Variants in TCFL5 observed in about 807,000 individuals in gnomAD.
The protein encoded by TCFL5 is transcription factor-like 5 protein.
A neutral mutation model predicts 44.3 loss-of-function variants in TCFL5; 9 were observed. The ratio of observed to expected loss-of-function variants is 0.20; its 90% CI spans 0.12 to 0.35. The LOEUF (loss-of-function observed/expected upper bound fraction) is 0.35, where lower values mean the gene tolerates loss of function less well. TCFL5 is among the 10% of genes least tolerant of loss of function. TCFL5 has a pLI of 1.00. For missense variants in TCFL5, 603 were observed against 613.4 expected (o/e 0.98, Z 0.18); for synonymous variants, 319 against 271.6 (o/e 1.17, Z -1.72).
At chr20:62,843,357 T>A (rs2063701058) in intron 5 of TCFL5, among the ~76,000 whole-genome samples, 1 of 152,104 alleles carries the variant, frequency 6.6e-6, no homozygotes, top group African/African-American at 2.4e-5. Flanking sequence ...GTTGTGTTTT[T>A]AAACAGGCCT....
intron 4 of TCFL5, among the ~76,000 whole-genome samples, chr20:62,854,896 G>A (rs2063864235): frequency 6.6e-6 from 1 of 152,142 alleles, no homozygotes; most frequent in Non-Finnish European, 1.5e-5. Flanking sequence ...TTTACTAGGT[G>A]CTTTTGGACT....
At chr20:62,853,245 C>T (rs1201706128) in intron 5 of TCFL5, among the ~76,000 whole-genome samples, 2 of 141,408 alleles carry the variant, frequency 1.4e-5, no homozygotes, top group Non-Finnish European at 2.9e-5. Context: ...GAAGTATATG[C>T]ACCCAGTCCA....
intron 2 of TCFL5, among the ~76,000 whole-genome samples, chr20:62,859,727 G>GT (rs918553945): frequency 0.047 from 6,460 of 136,402 alleles, 392 homozygotes; most frequent in African/African-American, 0.15. Context: ...TTGTTTTTTT[G>GT]TTTTTTTTTT....
At chr20:62,851,098 A>C (rs1156521825) in intron 5 of TCFL5, among the ~76,000 whole-genome samples, 1 of 152,270 alleles carries the variant, frequency 6.6e-6, no homozygotes, top group Non-Finnish European at 1.5e-5. Context: ...AAATCACTTA[A>C]AACTCTCATG....
At chr20:62,847,088 C>G (rs928340953) in intron 5 of TCFL5, among the ~76,000 whole-genome samples, 2 of 150,992 alleles carry the variant, frequency 1.3e-5, no homozygotes, top group Non-Finnish European at 2.9e-5. Flanking sequence ...GAGGCTGAGG[C>G]AGGAGAATTG....
Position 62,860,198 on chromosome 20 carries a change from A to G in TCFL5, c.758T>C (p.Leu253Ser). ...KNKTAATTTA[L>S]QFTYPLFTTN... ...AGTAAACAGTGGGTATGTAAATTGC[A>G]AAGCAGTAGTTGTAGCCGCAGTTTT... is the stretch of plus-strand genomic sequence containing the variant. Residue 253 changes from leucine (L) to serine (S), a missense_variant, in exon 2 of 6, where the codon TTG (leucine) becomes TCG (serine). By Grantham distance (145) the Leu-to-Ser change is moderately radical. This residue lies in a region of TCFL5 where 540 missense variants were observed against 478.7 expected (regional missense o/e 1.13). Transcript: ENST00000335351. 6.2e-7 allele frequency: 1 copy of G among 1,613,938 alleles called. No individual in the cohort carries two copies. The highest frequency in any genetic ancestry group is 2.2e-5 in the East Asian group (1 of 44,894).
At chr20:62,859,937 G>A (rs902453114) in intron 2 of TCFL5, among the ~76,000 whole-genome samples, 188 bp downstream of exon 2, 1 of 152,090 alleles carries the variant, frequency 6.6e-6, no homozygotes, top group South Asian at 2.1e-4. Flanking sequence ...TTGAACTCCT[G>A]AACTCAAATG....
In TCFL5 at chr20:62,841,950, C is replaced by G; in HGVS notation, c.*25G>C. ...GGTCACGAAGGAATGGCTGTTCACC[C>G]CCCGAGGATTCCTGTTCAGTCCGAT... is the stretch of plus-strand genomic sequence containing the variant. On this transcript the variant is annotated 3_prime_UTR_variant, in exon 6 of 6. Transcript: ENST00000335351. 1 of 1,612,910 alleles carries G rather than the reference C, an allele frequency of 6.2e-7. No individual in the cohort carries two copies.
At chr20:62,843,614 G>T (rs1392143786) in intron 5 of TCFL5, among the ~76,000 whole-genome samples, 1 of 152,164 alleles carries the variant, frequency 6.6e-6, no homozygotes, top group African/African-American at 2.4e-5. Flanking sequence ...TTAAAATATA[G>T]CATAAAATTT....
At chr20:62,848,516 G>A (rs1307875856) in intron 5 of TCFL5, among the ~76,000 whole-genome samples, 1 of 152,190 alleles carries the variant, frequency 6.6e-6, no homozygotes, top group African/African-American at 2.4e-5. Context: ...CGAGGCGGGA[G>A]GATCACCTGA....
At chr20:62,855,703 T>C (rs985975730) in intron 4 of TCFL5, among the ~76,000 whole-genome samples, 3 of 151,548 alleles carry the variant, frequency 2.0e-5, no homozygotes, top group Admixed American at 1.3e-4. Flanking sequence ...GAGGCGAAGG[T>C]TGCGTTGAAC....
Position 62,851,425 on chromosome 20 carries a change from C to T in TCFL5, c.1380+2591G>A, listed in dbSNP as rs565058759. 30 of 705,126 alleles carry T rather than the reference C, an allele frequency of 4.3e-5. 1 individual carries two copies. The South Asian group carries it at 1.3e-3, about 32-fold the overall frequency. The allele number at this position is 705,126 out of a possible 1,614,324, so 43.7% of individuals were successfully genotyped here. On this transcript the variant is annotated intron_variant, in intron 5 of 5. Coordinates refer to ENST00000335351, the MANE Select transcript of TCFL5 (RefSeq NM_006602.4). ...TAATTTCAAAAATTATAAATGCCTT[C>T]GTCTTGAGTAAATCAGATCAATAAT...
In TCFL5 at chr20:62,859,513, G is replaced by A; in HGVS notation, c.845C>T (p.Ser282Leu). ...CTTGGCAGCTTCAAGTACAGAACAT[G>A]AGTTACTAGAACTCTGGAAAAAAAT... ...NLSQTQSSSN[S>L]CSVLEAAKHQ... The change falls in exon 3 of 6, where the codon TCA (serine) becomes TTA (leucine). Residue 282 changes from serine (S) to leucine (L), a missense_variant. This residue lies in a region of TCFL5 where 540 missense variants were observed against 478.7 expected (regional missense o/e 1.13). Coordinates refer to ENST00000335351, the MANE Select transcript of TCFL5 (RefSeq NM_006602.4). 6.2e-7 allele frequency: 1 copy of A among 1,610,434 alleles called. No homozygotes were observed. The highest frequency in any genetic ancestry group is 8.5e-7 in the Non-Finnish European group (1 of 1,179,228).
At chr20:62,853,322 T>C (rs964025198) in intron 5 of TCFL5, among the ~76,000 whole-genome samples, 7 of 150,832 alleles carry the variant, frequency 4.6e-5, no homozygotes, top group African/African-American at 1.5e-4. Context: ...TTGACACTTA[T>C]CTGCATTTTT....
intron 2 of TCFL5, among the ~76,000 whole-genome samples, 173 bp from the exon 3 acceptor site, chr20:62,859,699 A>C (rs2063956125): frequency 6.6e-6 from 1 of 151,030 alleles, no homozygotes; most frequent in Admixed American, 6.6e-5. Context: ...CTCAACTTTC[A>C]CAGGTATTTT....
chr20:62,853,591 T>A (rs188326109), intron 5 of TCFL5, among the ~76,000 whole-genome samples: 1 of 152,156 alleles, frequency 6.6e-6, no homozygotes, highest in Non-Finnish European at 1.5e-5. Flanking sequence ...GCTCAAGAGA[T>A]CCTCCCACTT....
intron 5 of TCFL5, among the ~76,000 whole-genome samples, chr20:62,847,304 AAAC>A (rs2063756421): frequency 6.6e-6 from 1 of 152,264 alleles, no homozygotes; most frequent in Non-Finnish European, 1.5e-5. Flanking sequence ...ATTGATTAGA[AAAC>A]AACATAGACA....
chr20:62,844,183 A>G (rs1264796028), intron 5 of TCFL5, among the ~76,000 whole-genome samples: 1 of 152,208 alleles, frequency 6.6e-6, no homozygotes, highest in Non-Finnish European at 1.5e-5. Context: ...TCACACCCCC[A>G]GCGGCAAAGC....
Position 62,854,588 on chromosome 20 carries a change from C to T in TCFL5, c.1239-431G>A, listed in dbSNP as rs79684979. Among the ~76,000 whole-genome samples, 595 of 152,324 alleles carry T rather than the reference C, an allele frequency of 3.9e-3. 4 individuals carry two copies. Among genetic ancestry groups the T allele is most frequent in the African/African-American group, 0.013 (555 of 41,566 alleles). ...CAAGACTGATATTACTTGCCCTTCA[C>T]GGGCTAAATACCCTACCAGGAACTC... On this transcript the variant is annotated intron_variant, in intron 4 of 5. Coordinates refer to ENST00000335351, the MANE Select transcript of TCFL5 (RefSeq NM_006602.4).
Sources: allele counts gnomAD v4.1 joint callset (sites outside exome capture counted in the v4.1 genomes callset), GRCh38; gene constraint gnomAD v4.1.1; regional missense constraint gnomAD v4.1.1; transcripts MANE v1.5; gene names NCBI Gene and HGNC (gene_info 2026-07-23, HGNC 2026-07-21).